LRMDA: variants seen among roughly 807,000 people sequenced by gnomAD.
LRMDA encodes leucine-rich melanocyte differentiation-associated protein.
In LRMDA, 18 loss-of-function variants were observed where a neutral mutation model predicts 29.8. The ratio of observed to expected loss-of-function variants is 0.60; its 90% CI spans 0.42 to 0.90. The LOEUF (loss-of-function observed/expected upper bound fraction) is 0.90. Ranked by LOEUF, LRMDA falls within the 40% of genes least tolerant of loss-of-function variation. The probability of loss-of-function intolerance (pLI) is 0.00; values close to 1 mark genes in which losing one functional copy is unlikely to be tolerated. For synonymous variants in LRMDA, 125 were observed against 109.4 expected, an observed-to-expected ratio of 1.14 and a Z score of -0.89; for missense variants, 273 against 273.9, an observed-to-expected ratio of 1.00 and a Z score of 0.02.
chr10:76,170,187 G>T (rs1282818628), intron 5 of LRMDA, among the ~76,000 whole-genome samples: 12 of 152,182 alleles, frequency 7.9e-5, no homozygotes, highest in Admixed American at 7.9e-4. Flanking sequence ...AGTCACCCAA[G>T]AAGGTATAAA....
chr10:76,016,529 A>G (rs1333569045), intron 2 of LRMDA, among the ~76,000 whole-genome samples: 1 of 152,174 alleles, frequency 6.6e-6, no homozygotes, highest in African/African-American at 2.4e-5. Flanking sequence ...CTAAATGCTT[A>G]TGATCTTCTG....
chr10:76,359,148 G>A (rs903161231), intron 6 of LRMDA, among the ~76,000 whole-genome samples: 5 of 152,202 alleles, frequency 3.3e-5, no homozygotes, highest in Non-Finnish European at 7.3e-5. Flanking sequence ...TTTTGTCATT[G>A]TGGTTTTATC....
chr10:75,438,200 G>T (rs1224417454), intron 1 of LRMDA, among the ~76,000 whole-genome samples, 194 bp from the exon 2 acceptor site: 2 of 152,212 alleles, frequency 1.3e-5, no homozygotes, highest in East Asian at 3.8e-4. Flanking sequence ...ACCAGGAAAG[G>T]GGAGCTGTTG....
chr10:76,512,465 T>C (rs779824040), intron 6 of LRMDA, among the ~76,000 whole-genome samples: 1 of 152,166 alleles, frequency 6.6e-6, no homozygotes, highest in Non-Finnish European at 1.5e-5. Flanking sequence ...TGCCAAGACA[T>C]TTCAATGGGA....
chr10:76,173,058 TA>T (rs34848972), intron 5 of LRMDA, among the ~76,000 whole-genome samples: 3 of 150,128 alleles, frequency 2.0e-5, no homozygotes, highest in Non-Finnish European at 3.0e-5. Flanking sequence ...GTTAAGAAGA[TA>T]AAAAAAAAGA....
At chr10:76,441,310 G>A (rs142740367) in intron 6 of LRMDA, among the ~76,000 whole-genome samples, 3 of 152,326 alleles carry the variant, frequency 2.0e-5, no homozygotes, top group South Asian at 2.1e-4. Context: ...AGGAGACAAT[G>A]TGGGGTGACA....
intron 4 of LRMDA, among the ~76,000 whole-genome samples, chr10:76,052,452 C>T (rs1358901719): frequency 1.3e-5 from 2 of 151,584 alleles, no homozygotes; most frequent in Non-Finnish European, 2.9e-5. Context: ...GCAGCCATTG[C>T]CCTGGGGATA....
intron 5 of LRMDA, among the ~76,000 whole-genome samples, chr10:76,072,261 G>T (rs917744300): frequency 6.6e-6 from 1 of 152,186 alleles, no homozygotes; most frequent in Non-Finnish European, 1.5e-5. Context: ...TGGACAGGGA[G>T]TCCAGAGATT....
At chr10:76,127,177 T>A (rs1470993253) in intron 5 of LRMDA, among the ~76,000 whole-genome samples, 4 of 152,252 alleles carry the variant, frequency 2.6e-5, no homozygotes, top group Non-Finnish European at 5.9e-5. Context: ...GGTCATTTTT[T>A]AATTCATAGC....
chr10:76,399,646 C>T (rs4115413), intron 6 of LRMDA, among the ~76,000 whole-genome samples: 151,488 of 152,174 alleles, frequency 1, 75,422 homozygotes, highest in Middle Eastern at 1. Context: ...TTCTCTTTTT[C>T]CCCCCAAAAC....
chr10:75,697,655 A>G (rs1488311219), intron 2 of LRMDA, among the ~76,000 whole-genome samples: 1 of 152,184 alleles, frequency 6.6e-6, no homozygotes, highest in African/African-American at 2.4e-5. Context: ...GGCATCAGAA[A>G]GAGATTTTAT....
chr10:75,854,233 T>C (rs1697782347), intron 2 of LRMDA, among the ~76,000 whole-genome samples: 1 of 152,144 alleles, frequency 6.6e-6, no homozygotes, highest in Non-Finnish European at 1.5e-5. Context: ...TATAAGACTG[T>C]CCTCCTGGCA....
intron 2 of LRMDA, among the ~76,000 whole-genome samples, chr10:75,538,312 C>T (rs985235042): frequency 2.0e-5 from 3 of 152,106 alleles, no homozygotes; most frequent in Non-Finnish European, 4.4e-5. Flanking sequence ...GCGATTTGGC[C>T]GAGTCCCTGC....
intron 5 of LRMDA, among the ~76,000 whole-genome samples, chr10:76,170,751 C>T (rs942640983): frequency 6.6e-6 from 1 of 151,976 alleles, no homozygotes; most frequent in Admixed American, 6.6e-5. Context: ...TCTTTTAGAC[C>T]TTTTAGTTTT....
At chr10:76,469,907 C>T (rs2132315812) in intron 6 of LRMDA, among the ~76,000 whole-genome samples, 1 of 152,190 alleles carries the variant, frequency 6.6e-6, no homozygotes, top group African/African-American at 2.4e-5. Context: ...AAAACACTGT[C>T]ATCATCCCAA....
rs150742266 is a variant in LRMDA at position 75,515,146 on chromosome 10, C to A, written c.131+76652C>A. Among the ~76,000 whole-genome samples the A allele has an allele frequency of 6.6e-5, 10 of 152,226 alleles. 1 individual carries two copies. Among genetic ancestry groups the A allele is most frequent in the African/African-American group, 2.4e-4 (10 of 41,554 alleles). On this transcript the variant is annotated intron_variant, in intron 2 of 6. Transcript: ENST00000611255. The stretch of plus-strand genomic sequence containing the variant: ...CCAGATGGCACGTATTTTATGATTC[C>A]ATTTATAGGAAATATCCAGAATAGG...
At chr10:75,587,245 C>T (rs1840667747) in intron 2 of LRMDA, among the ~76,000 whole-genome samples, 1 of 152,122 alleles carries the variant, frequency 6.6e-6, no homozygotes, top group South Asian at 2.1e-4. Context: ...TTAGGCTAAA[C>T]AGAAATTTAC....
intron 6 of LRMDA, among the ~76,000 whole-genome samples, chr10:76,548,565 A>G (rs1211321235): frequency 6.6e-6 from 1 of 151,912 alleles, no homozygotes; most frequent in Non-Finnish European, 1.5e-5. Flanking sequence ...GTAAGGAAAT[A>G]TTTACCATGG....
At chr10:75,945,778 G>A (rs1235468318) in intron 2 of LRMDA, among the ~76,000 whole-genome samples, 1 of 152,066 alleles carries the variant, frequency 6.6e-6, no homozygotes, top group Non-Finnish European at 1.5e-5. Context: ...AACACCTTGT[G>A]TAGGGAAAAA....
Sources: gnomAD v4.1 joint callset for allele counts (sites outside exome capture counted in the v4.1 genomes callset) on GRCh38, gnomAD v4.1.1 for gene constraint, MANE v1.5 for transcripts, NCBI Gene and HGNC (gene_info 2026-07-23, HGNC 2026-07-21) for gene names.